The following MAN2A1 variants were observed in gnomAD, a reference collection of about 807,000 sequenced individuals.
MAN2A1 encodes the protein mannosidase alpha class 2A member 1, also known as alpha-mannosidase 2.
In MAN2A1, 76 loss-of-function variants were observed where a neutral mutation model predicts 142.6. The observed-to-expected ratio is 0.53, with a 90% CI of 0.44 to 0.65. The LOEUF (loss-of-function observed/expected upper bound fraction) is 0.65, where lower values mean the gene tolerates loss of function less well. MAN2A1 is among the 30% of genes least tolerant of loss of function. MAN2A1 has a pLI of 0.00. For synonymous variants in MAN2A1, 559 were observed against 473.2 expected (o/e 1.18, Z -2.35); for missense variants, 1,311 against 1,365.1 (o/e 0.96, Z 0.62).
At position 109,784,856 on chromosome 5, in the gene MAN2A1, G is replaced by A; in HGVS notation, c.1690G>A (p.Gly564Arg). 6.2e-7 allele frequency: 1 copy of A among 1,612,662 alleles called. No homozygotes were observed. Among genetic ancestry groups the A allele is most frequent in the Non-Finnish European group, 8.5e-7 (1 of 1,179,326 alleles). The part of the protein sequence containing the change: ...TALTEARRNL[G>R]LFQHHDAITG... The stretch of plus-strand genomic sequence containing the variant: ...ACTGACAGAAGCCAGAAGGAATTTG[G>A]GACTGTTTCAACATCATGATGCTAT... Residue 564 changes from glycine to arginine, a missense_variant, in exon 10 of 22, where the codon GGA (glycine) becomes AGA (arginine). By Grantham distance (125) the Gly-to-Arg change is moderately radical (BLOSUM62 -2). Coordinates refer to ENST00000261483, the MANE Select transcript of MAN2A1 (RefSeq NM_002372.4).
intron 1 of MAN2A1, among the ~76,000 whole-genome samples, chr5:109,707,994 A>G (rs1751184276): frequency 6.6e-6 from 1 of 152,260 alleles, no homozygotes; most frequent in East Asian, 1.9e-4. Context: ...GGAGATACAA[A>G]TATGGGAGAC....
At chr5:109,800,296 G>A (rs1753985790) in intron 12 of MAN2A1, among the ~76,000 whole-genome samples, 1 of 152,056 alleles carries the variant, frequency 6.6e-6, no homozygotes, top group Admixed American at 6.6e-5. Context: ...TGACTCCATG[G>A]GACTGTGTTT....
In MAN2A1 at chr5:109,692,626, C is replaced by T. The variant is rs1423119765; in HGVS notation, c.135+2074C>T. On this transcript the variant is annotated intron_variant, in intron 1 of 21. Coordinates refer to ENST00000261483, the MANE Select transcript of MAN2A1 (RefSeq NM_002372.4). ...ATTTGAACAGGTAGCCTTTGTAGCC[C>T]AGGCTCCCAGCCACTGAGTTGTCTT... 2.6e-5 allele frequency among the ~76,000 whole-genome samples: 4 copies of T among 152,174 alleles called. No individual in the cohort carries two copies. In the South Asian group the frequency reaches 8.3e-4, roughly 32 times the overall value.
chr5:109,716,382 T>C, intron 3 of MAN2A1, 118 bp downstream of exon 3: 1 of 739,210 alleles, frequency 1.4e-6, no homozygotes, highest in African/African-American at 1.8e-5. Context: ...TCTCTGACTT[T>C]TAACATTAAT....
At chr5:109,784,429 G>A (rs1217055066) in intron 9 of MAN2A1, among the ~76,000 whole-genome samples, 2 of 152,098 alleles carry the variant, frequency 1.3e-5, no homozygotes, top group African/African-American at 4.8e-5. Context: ...CAATTTTTCA[G>A]ATTTTTTTCA....
chr5:109,791,152 G>A (rs1753728328), intron 12 of MAN2A1, among the ~76,000 whole-genome samples: 1 of 151,838 alleles, frequency 6.6e-6, no homozygotes, highest in African/African-American at 2.4e-5. Flanking sequence ...ATAGTATAGG[G>A]TTTATCTTCC....
intron 4 of MAN2A1, among the ~76,000 whole-genome samples, chr5:109,752,815 T>A (rs973814342): frequency 6.6e-6 from 1 of 152,194 alleles, no homozygotes; most frequent in Non-Finnish European, 1.5e-5. Context: ...AAGAATTCAG[T>A]CTTTGATGAA....
In MAN2A1 at chr5:109,713,604, G is replaced by C. The variant is rs141032547; in HGVS notation, c.220G>C (p.Asp74His). 55 of 1,613,956 alleles carry C rather than the reference G, an allele frequency of 3.4e-5. No individual in the cohort carries two copies. Among genetic ancestry groups the C allele is most frequent in the Non-Finnish European group, 4.4e-5 (52 of 1,179,940 alleles). The change falls in exon 2 of 22, where the codon GAC (aspartate) becomes CAC (histidine). Residue 74 changes from aspartate (D) to histidine (H), a missense_variant. By Grantham distance (81) the Asp-to-His change is moderately conservative. Transcript: ENST00000261483. ...TAATGAGATCATCTCAAATATTAGA[G>C]ACTCAGTCATCAATTTGAGTGAGTC... ...ENNEIISNIR[D>H]SVINLSESVE... is the part of the protein sequence containing the mutation.
intron 2 of MAN2A1, among the ~76,000 whole-genome samples, chr5:109,714,363 T>G (rs1751394320): frequency 6.6e-6 from 1 of 152,198 alleles, no homozygotes; most frequent in African/African-American, 2.4e-5. Context: ...GTGCAAGATA[T>G]CTTAATTCAT....
At chr5:109,723,680 G>C (rs909958366) in intron 3 of MAN2A1, among the ~76,000 whole-genome samples, 3 of 152,118 alleles carry the variant, frequency 2.0e-5, no homozygotes, top group Non-Finnish European at 4.4e-5. Flanking sequence ...AACAGGAATG[G>C]TTTAGAAGGT....
chr5:109,810,878 G>A (rs1211514232), intron 12 of MAN2A1, among the ~76,000 whole-genome samples: 3 of 152,024 alleles, frequency 2.0e-5, no homozygotes, highest in African/African-American at 7.2e-5. Context: ...CCCTGGAAGT[G>A]GAAACATCAT....
rs867991303 is a variant in MAN2A1 at position 109,770,228 on chromosome 5, T to C, written c.1010-127T>C. The C allele has an allele frequency of 1.7e-5, 14 of 809,610 alleles. No homozygotes were observed. In the African/African-American group the frequency reaches 2.4e-4, roughly 14 times the overall value. The allele number at this position is 809,610 out of a possible 1,614,324, so 50.2% of individuals were successfully genotyped here. A position where few individuals can be genotyped will look rare whatever the true frequency, so the allele number is the denominator to read the frequency against. On this transcript the variant is annotated intron_variant, in intron 6 of 21. Transcript: ENST00000261483. ...CCGCTGGGGTATATGTACTGGAAGTTAAAGGGGCTGCTGATTTAGCACAGA... is the reference window on the plus strand; with the variant it reads ...CCGCTGGGGTATATGTACTGGAAGTCAAAGGGGCTGCTGATTTAGCACAGA...
intron 12 of MAN2A1, among the ~76,000 whole-genome samples, chr5:109,792,164 C>A (rs1048538522): frequency 1.3e-5 from 2 of 152,002 alleles, no homozygotes; most frequent in East Asian, 3.9e-4. Context: ...AATTTAAGTT[C>A]CTCTGATTTT....
intron 16 of MAN2A1, among the ~76,000 whole-genome samples, chr5:109,835,583 T>G (rs1014257936): frequency 3.3e-5 from 5 of 152,208 alleles, no homozygotes; most frequent in African/African-American, 7.2e-5. Context: ...GTGGGCCATT[T>G]GCTATTGTCC....
chr5:109,846,772 T>TAC (rs960860098), intron 18 of MAN2A1, among the ~76,000 whole-genome samples: 3 of 152,080 alleles, frequency 2.0e-5, no homozygotes, highest in Admixed American at 6.6e-5. Flanking sequence ...TTCTGTATCT[T>TAC]ACACACACAC....
rs927568030 is a variant in MAN2A1, at chr5:109,807,041, A to AT, written c.1944-10223dup. Among the ~76,000 whole-genome samples the AT allele has an allele frequency of 5.3e-5, 8 of 151,756 alleles. No homozygotes were observed. In the East Asian group the frequency reaches 5.8e-4, roughly 11 times the overall value. On this transcript the variant is annotated intron_variant, in intron 12 of 21. Transcript: ENST00000261483. ...AGAGTGTTCTGTACCTTAGCGTTGAATTTTTTTTTCTTGTAAGAGCAGGCC... is the reference window on the plus strand; with the variant it reads ...AGAGTGTTCTGTACCTTAGCGTTGAATTTTTTTTTTCTTGTAAGAGCAGGCC...
intron 19 of MAN2A1, chr5:109,854,115 C>T (rs187461020): frequency 2.0e-5 from 3 of 152,156 alleles, no homozygotes; most frequent in Admixed American, 1.3e-4. Context: ...CCTTATATTA[C>T]AAAAAGGATG....
chr5:109,817,528 C>A, intron 13 of MAN2A1, 90 bp downstream of exon 13: 1 of 1,294,264 alleles, frequency 7.7e-7, no homozygotes, highest in Non-Finnish European at 1.1e-6. Context: ...CCCATTTAGC[C>A]ATCATGTTGG....
At chr5:109,806,690 C>G (rs1754175060) in intron 12 of MAN2A1, among the ~76,000 whole-genome samples, 1 of 152,124 alleles carries the variant, frequency 6.6e-6, no homozygotes, top group South Asian at 2.1e-4. Context: ...GGAATTCTTG[C>G]ATTTGAGGAG....
Sources: gnomAD v4.1 joint callset for allele counts (sites outside exome capture counted in the v4.1 genomes callset) on GRCh38, gnomAD v4.1.1 for gene constraint, MANE v1.5 for transcripts, NCBI Gene and HGNC (gene_info 2026-07-23, HGNC 2026-07-21) for gene names.